The following CFAP418 variants were observed in gnomAD, a reference collection of about 807,000 sequenced individuals.
The protein encoded by CFAP418 is cilia and flagella associated protein 418.
Under a neutral mutation model 24.7 loss-of-function variants are expected in CFAP418, and 27 were observed. The ratio of observed to expected loss-of-function variants is 1.09; its 90% CI spans 0.81 to 1.51. CFAP418 has a LOEUF of 1.51. Among genes scored for constraint, CFAP418 ranks in the 40% most tolerant of loss-of-function variants. The pLI, the probability that CFAP418 is intolerant of heterozygous loss-of-function variation, is 0.00. For missense variants in CFAP418, 257 were observed against 255.2 expected (o/e 1.01, Z -0.05); for synonymous variants, 74 against 87.3 (o/e 0.85, Z 0.85).
chr8:95,250,617 G>C (rs556455426), intron 5 of CFAP418, among the ~76,000 whole-genome samples: 9 of 152,158 alleles, frequency 5.9e-5, no homozygotes, highest in Non-Finnish European at 8.8e-5. Context: ...AGAGGGTTTA[G>C]AAAAGTCAGA....
At chr8:95,261,693 T>A (rs947399371) in intron 2 of CFAP418, among the ~76,000 whole-genome samples, 1 of 152,086 alleles carries the variant, frequency 6.6e-6, no homozygotes, top group African/African-American at 2.4e-5. Context: ...AATACATAAC[T>A]AAAAAAGGAA....
At chr8:95,267,493 C>T (rs1812011170) in intron 1 of CFAP418, among the ~76,000 whole-genome samples, 1 of 152,048 alleles carries the variant, frequency 6.6e-6, no homozygotes, top group African/African-American at 2.4e-5. Flanking sequence ...CTCAGCTACT[C>T]GGGAGGCTGA....
At chr8:95,265,071 G>A (rs1339778705) in intron 1 of CFAP418, among the ~76,000 whole-genome samples, 2 of 152,132 alleles carry the variant, frequency 1.3e-5, no homozygotes, top group Non-Finnish European at 2.9e-5. Flanking sequence ...AATCCTAGGC[G>A]GGGGTTTCTC....
chr8:95,252,333 T>G, intron 4 of CFAP418, 50 bp from the exon 5 acceptor site: 1 of 1,209,816 alleles, frequency 8.3e-7, no homozygotes, highest in Non-Finnish European at 1.2e-6. Flanking sequence ...TATCTTTAAA[T>G]ACCAATGAAA....
rs1179846468 is a variant in CFAP418 at position 95,245,224 on chromosome 8, C to A, written c.*2393G>T. 2 of 152,076 alleles carry A rather than the reference C, an allele frequency of 1.3e-5. No individual in the cohort carries two copies. The highest frequency in any genetic ancestry group is 1.3e-4 in the Admixed American group (2 of 15,276). The allele number at this position is 152,076 out of a possible 1,614,324, so 9.4% of individuals were successfully genotyped here. ...GTTTCATTTTCAGCTTAAATTACAA[C>A]AGTTAATAATTTATCTGACTGTATA... On this transcript the variant is annotated 3_prime_UTR_variant, in exon 6 of 6. Transcript: ENST00000286688.
chr8:95,250,476 T>A (rs534004761), intron 5 of CFAP418, among the ~76,000 whole-genome samples: 1 of 152,362 alleles, frequency 6.6e-6, no homozygotes, highest in African/African-American at 2.4e-5. Flanking sequence ...TTTATGCCTG[T>A]GTTCACCACT....
intron 5 of CFAP418, among the ~76,000 whole-genome samples, chr8:95,250,110 A>G (rs1194564281): frequency 6.6e-6 from 1 of 152,184 alleles, no homozygotes; most frequent in African/African-American, 2.4e-5. Flanking sequence ...GTCATAGACT[A>G]GGTGCTGAAT....
intron 3 of CFAP418, 40 bp from the exon 4 acceptor site, chr8:95,259,945 C>A (rs1335466768): frequency 2.7e-6 from 4 of 1,505,932 alleles, no homozygotes; most frequent in Admixed American, 2.4e-5. Flanking sequence ...GAAGTTATAA[C>A]AAAAAATAGG....
At chr8:95,268,991 A>T in intron 1 of CFAP418, 44 bp downstream of exon 1, 1 of 1,594,602 alleles carries the variant, frequency 6.3e-7, no homozygotes, top group Admixed American at 1.7e-5. Context: ...TAGGGCCTGG[A>T]GCAGGGCTTT....
At chr8:95,255,299 G>C (rs867515023) in intron 4 of CFAP418, among the ~76,000 whole-genome samples, 1 of 152,252 alleles carries the variant, frequency 6.6e-6, no homozygotes, top group African/African-American at 2.4e-5. Flanking sequence ...TTATGCTCCA[G>C]CATGGCCAGA....
At chr8:95,261,693 TA>T (rs1378363569) in intron 2 of CFAP418, among the ~76,000 whole-genome samples, 1 of 152,086 alleles carries the variant, frequency 6.6e-6, no homozygotes, top group African/African-American at 2.4e-5. Context: ...AATACATAAC[TA>T]AAAAAGGAAA....
At chr8:95,250,444 G>A (rs964652793) in intron 5 of CFAP418, among the ~76,000 whole-genome samples, 5 of 152,148 alleles carry the variant, frequency 3.3e-5, no homozygotes, top group East Asian at 1.9e-4. Context: ...CTCAAGTACC[G>A]ACTAGGTTAT....
intron 4 of CFAP418, among the ~76,000 whole-genome samples, chr8:95,258,471 A>G (rs1199192404): frequency 1.3e-5 from 2 of 151,782 alleles, no homozygotes; most frequent in African/African-American, 2.4e-5. Context: ...ATATTTTAGT[A>G]TAGCTGTACG....
intron 1 of CFAP418, 149 bp downstream of exon 1, chr8:95,268,886 G>T: frequency 5.0e-6 from 4 of 806,318 alleles, no homozygotes; most frequent in Non-Finnish European, 7.9e-6. Flanking sequence ...GCGCTGCCGC[G>T]GAGGGTAGGG....
intron 4 of CFAP418, among the ~76,000 whole-genome samples, chr8:95,254,807 T>C (rs1811761901): frequency 6.6e-6 from 1 of 152,188 alleles, no homozygotes; most frequent in African/African-American, 2.4e-5. Context: ...TTCTGCTAAG[T>C]GGTATAATAG....
chr8:95,263,829 G>A lies in CFAP418; in HGVS notation c.156-55C>T, dbSNP rs1279009482. ...TACCTGAGGTTTATGAGCAGAGAAA[G>A]CTAGTATCAGAAGAGTTTTGCTTAA... On this transcript the variant is annotated intron_variant, in intron 1 of 5. Transcript: ENST00000286688. 7 of 998,958 alleles carry A rather than the reference G, an allele frequency of 7.0e-6. No individual in the cohort carries two copies. In the East Asian group the frequency reaches 1.2e-4, roughly 17 times the overall value. 61.9% of individuals were successfully genotyped at this position (998,958 alleles called of 1,614,324 possible).
At chr8:95,254,274 C>T (rs1811753885) in intron 4 of CFAP418, among the ~76,000 whole-genome samples, 1 of 152,176 alleles carries the variant, frequency 6.6e-6, no homozygotes, top group Non-Finnish European at 1.5e-5. Context: ...CTCCCCTTTT[C>T]CACCAACAAG....
intron 4 of CFAP418, among the ~76,000 whole-genome samples, chr8:95,253,768 A>C (rs564009667): frequency 6.4e-4 from 92 of 143,686 alleles, no homozygotes; most frequent in African/African-American, 2.2e-3. Context: ...TCGAATGTAC[A>C]AGTCAGGAAA....
In CFAP418 at chr8:95,269,057, CT is replaced by C; in HGVS notation, c.132del (p.Ala45ProfsTer39). 1 of 1,614,122 alleles carries C rather than the reference CT, an allele frequency of 6.2e-7. No homozygotes were observed. The highest frequency in any genetic ancestry group is 8.5e-7 in the Non-Finnish European group (1 of 1,180,004). Reference sequence around the variant, plus strand: ...AACCTGAGCGTCTCTTTCGCCTTGGCTTGGTTCCGGTCGCTACTGTGGGTGC... The same window carrying C: ...AACCTGAGCGTCTCTTTCGCCTTGGCTGGTTCCGGTCGCTACTGTGGGTGC... Reference protein sequence around the residue: ...GGGTHSSDRNQAKAKETLRST... With the variant: ...GGGTHSSDRNXAKAKETLRST... On this transcript the variant is annotated frameshift_variant, in exon 1 of 6. Coordinates refer to ENST00000286688, the MANE Select transcript of CFAP418 (RefSeq NM_177965.4). LOFTEE classifies it high-confidence loss of function.
Sources: gnomAD v4.1 joint callset for allele counts (sites outside exome capture counted in the v4.1 genomes callset) on GRCh38, gnomAD v4.1.1 for gene constraint, MANE v1.5 for transcripts, NCBI Gene and HGNC (gene_info 2026-07-23, HGNC 2026-07-21) for gene names.